Variants in JMJD1C observed in about 807,000 individuals in gnomAD.
JMJD1C encodes the protein jumonji domain containing 1C.
In JMJD1C, 31 loss-of-function variants were observed where a neutral mutation model predicts 245.3. The observed-to-expected ratio is 0.13, with a 90% confidence interval of 0.09 to 0.17. JMJD1C has a LOEUF of 0.17. Among genes scored for constraint, JMJD1C ranks in the 10% least tolerant of loss-of-function variants. JMJD1C has a pLI of 1.00. For missense variants in JMJD1C, 2,691 were observed against 3,000.2 expected (o/e 0.90, Z 2.41); for synonymous variants, 1,057 against 1,017.4 (o/e 1.04, Z -0.74).
intron 8 of JMJD1C, among the ~76,000 whole-genome samples, chr10:63,212,176 G>C (rs990408238): frequency 7.9e-5 from 12 of 152,130 alleles, no homozygotes; most frequent in African/African-American, 2.9e-4. Flanking sequence ...CAGGGAAGGG[G>C]AGTTAGTGTT....
chr10:63,503,571 T>C (rs902421693), intron 1 of JMJD1C, among the ~76,000 whole-genome samples: 7 of 152,132 alleles, frequency 4.6e-5, no homozygotes, highest in African/African-American at 1.7e-4. Flanking sequence ...TCCTGTCCCT[T>C]ACTCCCTCCC....
chr10:63,314,377 T>C (rs1353000119), intron 2 of JMJD1C, among the ~76,000 whole-genome samples: 2 of 152,102 alleles, frequency 1.3e-5, no homozygotes, highest in African/African-American at 2.4e-5. Context: ...CTGGGCAAAA[T>C]GAAGAAACTC....
chr10:63,495,194 A>C (rs1018517198), intron 1 of JMJD1C, among the ~76,000 whole-genome samples: 1 of 152,010 alleles, frequency 6.6e-6, no homozygotes, highest in Admixed American at 6.6e-5. Context: ...TCTCACTCAA[A>C]GGAACCAATG....
chr10:63,172,643 A>T (rs949637438), intron 24 of JMJD1C, among the ~76,000 whole-genome samples: 1 of 152,020 alleles, frequency 6.6e-6, no homozygotes, highest in Non-Finnish European at 1.5e-5. Context: ...AAATGGAGGA[A>T]AATAAAGCAG....
In JMJD1C at chr10:63,465,740, T is replaced by C; in HGVS notation, c.-78A>G. Reference sequence around the variant, plus strand: ...AAACCTCACTCCTACCGGCCGCTCATGCTGAGGAGAGCGGACCGGGACACA... The same window carrying C: ...AAACCTCACTCCTACCGGCCGCTCACGCTGAGGAGAGCGGACCGGGACACA... On this transcript the variant is annotated 5_prime_UTR_variant, in exon 1 of 26. An upstream start codon of the reference 5' UTR is lost. Transcript: ENST00000399262. The C allele has an allele frequency of 6.5e-7, 1 of 1,528,742 alleles. No individual in the cohort carries two copies. The highest frequency in any genetic ancestry group is 8.9e-7 in the Non-Finnish European group (1 of 1,120,240). 94.7% of individuals were successfully genotyped at this position (1,528,742 alleles called of 1,614,324 possible).
intron 2 of JMJD1C, among the ~76,000 whole-genome samples, chr10:63,339,022 C>T (rs1248191619): frequency 6.6e-6 from 1 of 152,088 alleles, no homozygotes; most frequent in African/African-American, 2.4e-5. Flanking sequence ...TGAGAATGAG[C>T]AAATATGTTT....
At chr10:63,420,714 C>CA (rs35090799) in intron 1 of JMJD1C, among the ~76,000 whole-genome samples, 4,262 of 47,138 alleles carry the variant, frequency 0.09, 248 homozygotes, top group African/African-American at 0.16. Context: ...GACCCAGTCT[C>CA]AAAAAAAAAA....
At chr10:63,520,705 T>C (rs1472695592) in intron 1 of JMJD1C, among the ~76,000 whole-genome samples, 2 of 152,268 alleles carry the variant, frequency 1.3e-5, no homozygotes, top group African/African-American at 4.8e-5. Flanking sequence ...AGGGAAATAA[T>C]GGAGATTCGT....
chr10:63,498,842 A>G (rs1589830703), intron 1 of JMJD1C, among the ~76,000 whole-genome samples: 1 of 152,152 alleles, frequency 6.6e-6, no homozygotes. Flanking sequence ...ATCTTGCATA[A>G]CTGAATCTTT....
chr10:63,209,254 A>G lies in JMJD1C; in HGVS notation c.2695-19T>C, dbSNP rs767638075. 1.3e-6 allele frequency: 2 copies of G among 1,564,616 alleles called. No homozygotes were observed. Among genetic ancestry groups the G allele is most frequent in the Non-Finnish European group, 1.7e-6 (2 of 1,154,908 alleles). On this transcript the variant is annotated intron_variant, in intron 8 of 25. Coordinates refer to ENST00000399262, the MANE Select transcript of JMJD1C (RefSeq NM_032776.3). ...GAGAATTCTATTAACAAAACAAAAC[A>G]AAAAAAACACCTAGATTTCAGTTAC...
At chr10:63,357,455 G>A (rs1005210006) in intron 2 of JMJD1C, among the ~76,000 whole-genome samples, 5 of 151,872 alleles carry the variant, frequency 3.3e-5, no homozygotes, top group South Asian at 4.2e-4. Context: ...ACAGGTGTGC[G>A]CCACCACACC....
At position 63,167,776 on chromosome 10, in the gene JMJD1C, A is replaced by C. The variant is rs966384627; in HGVS notation, c.*269T>G. 18 of 292,350 alleles carry C rather than the reference A, an allele frequency of 6.2e-5. No individual in the cohort carries two copies. The highest frequency in any genetic ancestry group is 3.5e-4 in the African/African-American group (16 of 46,182). 18.1% of individuals were successfully genotyped at this position (292,350 alleles called of 1,614,324 possible). A position where few individuals can be genotyped will look rare whatever the true frequency, so the allele number is the denominator to read the frequency against. ...TACCAAAAATAAATACATCATTTTA[A>C]ATCTGGCATTTTCACAAACATCATA... is the stretch of plus-strand genomic sequence containing the variant. On this transcript the variant is annotated 3_prime_UTR_variant, in exon 26 of 26. Coordinates refer to ENST00000399262, the MANE Select transcript of JMJD1C (RefSeq NM_032776.3).
At chr10:63,198,403 A>T in intron 12 of JMJD1C, 110 bp downstream of exon 12, 1 of 692,668 alleles carries the variant, frequency 1.4e-6, no homozygotes, top group Non-Finnish European at 2.5e-6. Context: ...TCATTATCAT[A>T]ATTAAAAATC....
intron 2 of JMJD1C, among the ~76,000 whole-genome samples, chr10:63,332,080 T>C (rs954907366): frequency 2.0e-5 from 3 of 152,168 alleles, no homozygotes; most frequent in African/African-American, 4.8e-5. Context: ...CAAAAGACAA[T>C]AGCCAACATT....
At chr10:63,363,174 T>A (rs1945534140) in intron 2 of JMJD1C, among the ~76,000 whole-genome samples, 1 of 151,780 alleles carries the variant, frequency 6.6e-6, no homozygotes, top group Non-Finnish European at 1.5e-5. Flanking sequence ...GAATGTACTG[T>A]AAGTGGTGAA....
chr10:63,310,216 C>A (rs868026351), intron 2 of JMJD1C, among the ~76,000 whole-genome samples: 1 of 152,170 alleles, frequency 6.6e-6, no homozygotes, highest in African/African-American at 2.4e-5. Context: ...AGTAAACAGA[C>A]ATTTTCCCTA....
intron 3 of JMJD1C, among the ~76,000 whole-genome samples, chr10:63,244,666 G>A (rs1589265266): frequency 6.6e-6 from 1 of 152,116 alleles, no homozygotes. Context: ...AGATAACACA[G>A]AAAAGCAATT....
rs35442695 is a variant in JMJD1C at position 63,277,731 on chromosome 10, C to CTTTTTTTTTTTTT, written c.334-12980_334-12968dup. ...TATTCATTGAGAGTAATTTGCATTT[C>CTTTTTTTTTTTTT]TTTTTTTTTTTTTTTTTTTTTTTTG... On this transcript the variant is annotated intron_variant, in intron 2 of 25. Transcript: ENST00000399262. Among the ~76,000 whole-genome samples, 209 of 64,274 alleles carry CTTTTTTTTTTTTT rather than the reference C, an allele frequency of 3.3e-3. 26 individuals are homozygous for CTTTTTTTTTTTTT. The highest frequency in any genetic ancestry group is 6.9e-3 in the East Asian group (12 of 1,746). 42.2% of individuals were successfully genotyped at this position (64,274 alleles called of 152,430 possible). A position where few individuals can be genotyped will look rare whatever the true frequency, so the allele number is the denominator to read the frequency against.
chr10:63,313,014 C>T (rs559216048), intron 2 of JMJD1C, among the ~76,000 whole-genome samples: 16 of 152,106 alleles, frequency 1.1e-4, no homozygotes, highest in African/African-American at 3.9e-4. Flanking sequence ...AGTTCTTTAG[C>T]GGTGATTTGT....
Sources: gnomAD v4.1 joint callset for allele counts (sites outside exome capture counted in the v4.1 genomes callset) on GRCh38, gnomAD v4.1.1 for gene constraint, MANE v1.5 for transcripts, NCBI Gene and HGNC (gene_info 2026-07-23, HGNC 2026-07-21) for gene names.